The following SMYD3 variants were observed in gnomAD, a reference collection of about 807,000 sequenced individuals.
SMYD3 encodes SET and MYND domain containing 3.
Under a neutral mutation model 57.7 loss-of-function variants are expected in SMYD3, and 36 were observed. The ratio of observed to expected loss-of-function variants is 0.62; its 90% confidence interval spans 0.48 to 0.82. The LOEUF is 0.82. Ranked by LOEUF, SMYD3 falls within the 40% of genes least tolerant of loss-of-function variation. SMYD3 has a pLI of 0.00. For missense variants in SMYD3, 515 were observed against 538.8 expected (o/e 0.96, Z 0.44); for synonymous variants, 211 against 195.0 (o/e 1.08, Z -0.68).
chr1:246,181,216 T>C (rs898877443), intron 5 of SMYD3, among the ~76,000 whole-genome samples: 2 of 152,066 alleles, frequency 1.3e-5, no homozygotes, highest in African/African-American at 4.8e-5. Flanking sequence ...TCGCCTAGAG[T>C]ATATTTTACA....
In SMYD3 at chr1:245,749,799, C is replaced by T; in HGVS notation, c.1186-135G>A. 6 of 622,740 alleles carry T rather than the reference C, an allele frequency of 9.6e-6. No individual in the cohort carries two copies. In the Admixed American group the frequency reaches 1.2e-4, roughly 12 times the overall value. 38.6% of individuals were successfully genotyped at this position (622,740 alleles called of 1,614,324 possible). On this transcript the variant is annotated intron_variant, in intron 11 of 11. Coordinates refer to ENST00000490107, the MANE Select transcript of SMYD3 (RefSeq NM_001167740.2). ...GGGTGAACAGTCTTTAACAGGCTTACAGCACTGTGGTTCTCCCAGCTGGAA... is the reference window on the plus strand; with the variant it reads ...GGGTGAACAGTCTTTAACAGGCTTATAGCACTGTGGTTCTCCCAGCTGGAA...
At chr1:245,937,785 A>G (rs2057043225) in intron 5 of SMYD3, among the ~76,000 whole-genome samples, 1 of 152,228 alleles carries the variant, frequency 6.6e-6, no homozygotes, top group Admixed American at 6.5e-5. Flanking sequence ...ATTCTCTTCT[A>G]TGATACTCTA....
At chr1:246,303,329 C>T (rs1403313933) in intron 5 of SMYD3, among the ~76,000 whole-genome samples, 2 of 152,132 alleles carry the variant, frequency 1.3e-5, no homozygotes, top group African/African-American at 4.8e-5. Context: ...TAAATGAGTG[C>T]TGTTTTAAGC....
chr1:246,082,391 C>G (rs2787958), intron 5 of SMYD3, among the ~76,000 whole-genome samples: 30,592 of 152,034 alleles, frequency 0.2, 3,560 homozygotes, highest in East Asian at 0.4. Flanking sequence ...ATGCTGGCAA[C>G]CAACTCACCC....
At chr1:245,941,738 G>T (rs1315517099) in intron 5 of SMYD3, among the ~76,000 whole-genome samples, 1 of 152,030 alleles carries the variant, frequency 6.6e-6, no homozygotes, top group African/African-American at 2.4e-5. Context: ...GGCCAGGCTG[G>T]TCTCCAACTC....
intron 1 of SMYD3, among the ~76,000 whole-genome samples, chr1:246,408,191 A>G (rs916312187): frequency 1.3e-5 from 2 of 152,116 alleles, no homozygotes; most frequent in African/African-American, 4.8e-5. Context: ...AAGGACACAA[A>G]CACTCTGACC....
chr1:245,887,797 C>G (rs1475120243), intron 8 of SMYD3, among the ~76,000 whole-genome samples: 1 of 152,174 alleles, frequency 6.6e-6, no homozygotes, highest in African/African-American at 2.4e-5. Flanking sequence ...ATCTTTCAAT[C>G]TCAGGATTCC....
At chr1:246,200,999 T>A (rs1396986158) in intron 5 of SMYD3, among the ~76,000 whole-genome samples, 1 of 152,218 alleles carries the variant, frequency 6.6e-6, no homozygotes, top group Non-Finnish European at 1.5e-5. Context: ...CAACGAGGAT[T>A]TCTTGCCCCC....
chr1:245,934,321 C>G (rs1172447887), intron 5 of SMYD3, among the ~76,000 whole-genome samples: 1 of 152,116 alleles, frequency 6.6e-6, no homozygotes, highest in Admixed American at 6.5e-5. Context: ...TGCCTCTGCC[C>G]CCCGGCACCC....
chr1:245,863,971 T>C, intron 8 of SMYD3, 85 bp from the exon 9 acceptor site: 2 of 1,248,408 alleles, frequency 1.6e-6, no homozygotes. Flanking sequence ...GATATACAAA[T>C]GGCCTGCAAG....
chr1:245,817,543 C>T lies in SMYD3; in HGVS notation c.1076+40953G>A, dbSNP rs376791582. Among the ~76,000 whole-genome samples, 353 of 151,124 alleles carry T rather than the reference C, an allele frequency of 2.3e-3. 1 individual carries two copies. The highest frequency in any genetic ancestry group is 0.017 in the East Asian group (88 of 5,150). On this transcript the variant is annotated intron_variant, in intron 10 of 11. Coordinates refer to ENST00000490107, the MANE Select transcript of SMYD3 (RefSeq NM_001167740.2). ...TCACCAGCAACGGAACAAAGCTGGA[C>T]GGAGAATGACTTTGATGACCTGAGA...
intron 1 of SMYD3, among the ~76,000 whole-genome samples, chr1:246,497,270 C>A (rs1456106478): frequency 6.6e-6 from 1 of 152,132 alleles, no homozygotes; most frequent in African/African-American, 2.4e-5. Context: ...GCCACTATAC[C>A]ATGTAAATTT....
intron 10 of SMYD3, among the ~76,000 whole-genome samples, chr1:245,772,457 C>T (rs2046375695): frequency 6.6e-6 from 1 of 152,032 alleles, no homozygotes; most frequent in Non-Finnish European, 1.5e-5. Flanking sequence ...CAAGTGCAGC[C>T]TGGGTAACAT....
At position 246,355,001 on chromosome 1, in the gene SMYD3, C is replaced by T. The variant is rs765529042; in HGVS notation, c.228+30G>A. 1.2e-6 allele frequency: 2 copies of T among 1,606,418 alleles called. No individual in the cohort carries two copies. Among genetic ancestry groups the T allele is most frequent in the South Asian group, 1.1e-5 (1 of 90,626 alleles). On this transcript the variant is annotated intron_variant, in intron 2 of 11. Coordinates refer to ENST00000490107, the MANE Select transcript of SMYD3 (RefSeq NM_001167740.2). This position sits in a 1 kb window ranked among gnomAD's most constrained non-coding sequence, Gnocchi z 5.0. ...AATTTAAGAGTAAAGAATTTGAAAG[C>T]TTCACTTATATATGGCTGAAAAGTC...
At chr1:246,341,590 A>G (rs2065634267) in intron 2 of SMYD3, among the ~76,000 whole-genome samples, 2 of 152,248 alleles carry the variant, frequency 1.3e-5, no homozygotes, top group Non-Finnish European at 2.9e-5. Flanking sequence ...AAGAAATGAA[A>G]GTAGACTCTC....
intron 5 of SMYD3, among the ~76,000 whole-genome samples, chr1:245,995,675 A>G (rs928329517): frequency 1.6e-4 from 24 of 152,172 alleles, no homozygotes; most frequent in African/African-American, 5.8e-4. Context: ...TGGGGGAGAG[A>G]CTAATGCAGC....
intron 1 of SMYD3, among the ~76,000 whole-genome samples, chr1:246,380,991 T>C (rs971370099): frequency 1.3e-5 from 2 of 152,000 alleles, no homozygotes; most frequent in African/African-American, 2.4e-5. Flanking sequence ...CCAGTAATGA[T>C]AAAGAAAGAA....
intron 5 of SMYD3, among the ~76,000 whole-genome samples, chr1:246,078,686 C>T (rs550967015): frequency 4.1e-4 from 62 of 152,280 alleles, no homozygotes; most frequent in Non-Finnish European, 7.6e-4. Flanking sequence ...GTTGATTCAG[C>T]GACCCATATA....
At chr1:246,410,164 C>G (rs2066940546) in intron 1 of SMYD3, among the ~76,000 whole-genome samples, 6 of 152,084 alleles carry the variant, frequency 3.9e-5, no homozygotes, top group Admixed American at 3.9e-4. Flanking sequence ...CCCTTTATTC[C>G]CTTCTCCTGC....
Sources: allele counts gnomAD v4.1 joint callset (sites outside exome capture counted in the v4.1 genomes callset), GRCh38; gene constraint gnomAD v4.1.1; non-coding constraint Gnocchi (gnomAD v3.1); transcripts MANE v1.5; gene names NCBI Gene and HGNC (gene_info 2026-07-23, HGNC 2026-07-21).